The following CDH4 variants were observed in gnomAD, a reference collection of about 807,000 sequenced individuals.
CDH4 encodes the protein cadherin 4, also known as cadherin-4.
A neutral mutation model predicts 86.0 loss-of-function variants in CDH4; 33 were observed. The ratio of observed to expected loss-of-function variants is 0.38; its 90% CI spans 0.29 to 0.51. CDH4 has a LOEUF of 0.51. Ranked by LOEUF, CDH4 falls within the 20% of genes least tolerant of loss-of-function variation. The pLI is 0.86. For synonymous variants in CDH4, 555 were observed against 549.4 expected (o/e 1.01, Z -0.14); for missense variants, 1,114 against 1,307.4 (o/e 0.85, Z 2.28).
intron 4 of CDH4, among the ~76,000 whole-genome samples, chr20:61,815,887 G>C (rs550179286): frequency 4.1e-4 from 62 of 152,274 alleles, no homozygotes; most frequent in Middle Eastern, 6.8e-3. Flanking sequence ...GGTTATCCTG[G>C]CTGCTCCGTG....
chr20:61,605,163 T>C (rs1254357040), intron 2 of CDH4, among the ~76,000 whole-genome samples: 2 of 135,834 alleles, frequency 1.5e-5, no homozygotes, highest in Admixed American at 1.4e-4. Context: ...TAATGACCCC[T>C]GCCTGCCACT....
chr20:61,729,939 T>C (rs1299306170), intron 2 of CDH4, among the ~76,000 whole-genome samples: 1 of 152,222 alleles, frequency 6.6e-6, no homozygotes, highest in African/African-American at 2.4e-5. Flanking sequence ...CAGAGTGTTT[T>C]GTTTTCTTTG....
chr20:61,291,678 G>A (rs576908808), intron 2 of CDH4, among the ~76,000 whole-genome samples: 25 of 34,116 alleles, frequency 7.3e-4, no homozygotes, highest in East Asian at 3.1e-3. Flanking sequence ...CCAGGTTACC[G>A]GGGGTTTCCA....
intron 4 of CDH4, among the ~76,000 whole-genome samples, chr20:61,818,786 T>C (rs1002501677): frequency 6.6e-6 from 1 of 150,998 alleles, no homozygotes; most frequent in East Asian, 1.9e-4. Context: ...TCCAGGATGG[T>C]GGGCGGAAAG....
In CDH4 at chr20:61,254,264, C is replaced by T. The variant is rs565809266; in HGVS notation, c.58-562C>T. ...GCCTCCTCACCCCAGCCACCGGCAG[C>T]CTCCCGCAGAGCTGCCTTCTTCGAC... On this transcript the variant is annotated intron_variant, in intron 1 of 15. Coordinates refer to ENST00000614565, the MANE Select transcript of CDH4 (RefSeq NM_001794.5). 5.3e-5 allele frequency among the ~76,000 whole-genome samples: 8 copies of T among 152,330 alleles called. No individual in the cohort carries two copies. The South Asian group carries it at 1.7e-3, about 32-fold the overall frequency.
chr20:61,512,547 TAAAAGACC>T (rs1231001775), intron 2 of CDH4, among the ~76,000 whole-genome samples: 2 of 152,144 alleles, frequency 1.3e-5, no homozygotes, highest in African/African-American at 4.8e-5. Flanking sequence ...TGCCAGCTTA[TAAAAGACC>T]AAAAGTAGGT....
chr20:61,280,364 A>G (rs897572327), intron 2 of CDH4, among the ~76,000 whole-genome samples: 3 of 152,222 alleles, frequency 2.0e-5, no homozygotes, highest in Non-Finnish European at 2.9e-5. Context: ...CAAGCAGCCA[A>G]TCCCTCTCTG....
chr20:61,256,392 T>C (rs2084098083), intron 2 of CDH4, among the ~76,000 whole-genome samples: 1 of 152,230 alleles, frequency 6.6e-6, no homozygotes, highest in Non-Finnish European at 1.5e-5. Flanking sequence ...TATTAATAAA[T>C]ACTGCTTACT....
chr20:61,839,516 G>A (rs988321394), intron 4 of CDH4, among the ~76,000 whole-genome samples: 1 of 116,444 alleles, frequency 8.6e-6, no homozygotes, highest in African/African-American at 2.6e-5. Flanking sequence ...AGTGTGTGTT[G>A]TGTGTATGTG....
At chr20:61,444,493 CTG>C (rs2085335046) in intron 2 of CDH4, among the ~76,000 whole-genome samples, 1 of 121,266 alleles carries the variant, frequency 8.2e-6, no homozygotes, top group Non-Finnish European at 1.7e-5. Context: ...CTGTGTGTGT[CTG>C]TGTATATTTG....
intron 2 of CDH4, among the ~76,000 whole-genome samples, chr20:61,340,410 C>T (rs1042352933): frequency 2.6e-5 from 4 of 152,280 alleles, no homozygotes; most frequent in African/African-American, 7.2e-5. Flanking sequence ...AAACCAAGTC[C>T]GGTGTCCATC....
intron 2 of CDH4, among the ~76,000 whole-genome samples, chr20:61,469,321 C>G (rs2085489685): frequency 6.6e-6 from 1 of 152,154 alleles, no homozygotes; most frequent in African/African-American, 2.4e-5. Context: ...TGATACTGAG[C>G]ACATTTCCAT....
chr20:61,830,192 G>A (rs543178821), intron 4 of CDH4, among the ~76,000 whole-genome samples: 2 of 150,006 alleles, frequency 1.3e-5, no homozygotes, highest in East Asian at 4.0e-4. Flanking sequence ...CATGCCTCCT[G>A]TTCTCACTAG....
intron 2 of CDH4, among the ~76,000 whole-genome samples, chr20:61,596,664 C>T (rs879325581): frequency 2.0e-5 from 3 of 152,164 alleles, no homozygotes; most frequent in Admixed American, 1.3e-4. Flanking sequence ...GTTTGGGATA[C>T]AGCTGTGAAC....
intron 2 of CDH4, among the ~76,000 whole-genome samples, chr20:61,299,056 G>C (rs906731785): frequency 2.6e-5 from 4 of 152,060 alleles, no homozygotes; most frequent in African/African-American, 9.7e-5. Context: ...ACCTGTGCGC[G>C]TGATCATATC....
At chr20:61,875,609 C>T (rs1443490785) in intron 7 of CDH4, among the ~76,000 whole-genome samples, 1 of 152,136 alleles carries the variant, frequency 6.6e-6, no homozygotes, top group Middle Eastern at 3.2e-3. Context: ...TGATGTTGGC[C>T]AGAATGCCTG....
chr20:61,394,773 T>G (rs2085006714), intron 2 of CDH4, among the ~76,000 whole-genome samples: 1 of 150,650 alleles, frequency 6.6e-6, no homozygotes, highest in African/African-American at 2.4e-5. Flanking sequence ...TATTTAATTT[T>G]TAAATGTTGG....
chr20:61,559,621 A>G (rs961000569), intron 2 of CDH4, among the ~76,000 whole-genome samples: 1 of 138,848 alleles, frequency 7.2e-6, no homozygotes, highest in African/African-American at 2.8e-5. Context: ...CAGGTTCAAG[A>G]GATTCTCCTG....
chr20:61,664,308 C>G (rs2087298053), intron 2 of CDH4, among the ~76,000 whole-genome samples: 1 of 152,320 alleles, frequency 6.6e-6, no homozygotes, highest in South Asian at 2.1e-4. Flanking sequence ...GCAATGGCCC[C>G]TTGTTTATTC....
Sources: allele counts gnomAD v4.1 joint callset (sites outside exome capture counted in the v4.1 genomes callset), GRCh38; gene constraint gnomAD v4.1.1; transcripts MANE v1.5; gene names NCBI Gene and HGNC (gene_info 2026-07-23, HGNC 2026-07-21).